Variants in C1orf21 observed in about 807,000 individuals in gnomAD.
C1orf21 encodes chromosome 1 open reading frame 21.
Under a neutral mutation model 18.7 loss-of-function variants are expected in C1orf21, and 3 were observed. The ratio of observed to expected loss-of-function variants is 0.16; its 90% CI spans 0.07 to 0.42. C1orf21 has a LOEUF of 0.42. Among genes scored for constraint, C1orf21 ranks in the 10% least tolerant of loss-of-function variants. The pLI, the probability that C1orf21 is intolerant of heterozygous loss-of-function variation, is 0.99. For missense variants in C1orf21, 104 were observed against 143.6 expected (o/e 0.72, Z 1.41); for synonymous variants, 41 against 46.4 (o/e 0.88, Z 0.47).
intron 1 of C1orf21, among the ~76,000 whole-genome samples, chr1:184,405,671 A>G (rs1275726211): frequency 6.6e-6 from 1 of 152,216 alleles, no homozygotes; most frequent in Non-Finnish European, 1.5e-5. Flanking sequence ...TTTACTCAGT[A>G]ATTGTGACTT....
In C1orf21 at chr1:184,564,401, C is replaced by G. The variant is rs150909988; in HGVS notation, c.190-26338C>G. On this transcript the variant is annotated intron_variant, in intron 3 of 5. Coordinates refer to ENST00000235307, the MANE Select transcript of C1orf21 (RefSeq NM_030806.4). ...TCAGCTCACTGCAACCTGCGCCTCC[C>G]AGGTTCAAGTGATCTCCTGCCTCAG... Among the ~76,000 whole-genome samples the G allele has an allele frequency of 2.9e-3, 446 of 152,250 alleles. 3 individuals are homozygous for G. The highest frequency in any genetic ancestry group is 0.02 in the East Asian group (104 of 5,176).
At chr1:184,453,612 T>C (rs1474765201) in intron 1 of C1orf21, among the ~76,000 whole-genome samples, 2 of 152,230 alleles carry the variant, frequency 1.3e-5, no homozygotes, top group African/African-American at 4.8e-5. Context: ...TGCTTGATAC[T>C]GCCACCTATT....
At chr1:184,584,305 G>C (rs1013488542) in intron 3 of C1orf21, among the ~76,000 whole-genome samples, 9 of 151,992 alleles carry the variant, frequency 5.9e-5, no homozygotes, top group African/African-American at 2.2e-4. Context: ...GGATTTTCTG[G>C]AGAATACACC....
chr1:184,578,476 G>C (rs1198333862), intron 3 of C1orf21, among the ~76,000 whole-genome samples: 1 of 152,166 alleles, frequency 6.6e-6, no homozygotes, highest in African/African-American at 2.4e-5. Context: ...CACGGATTTT[G>C]TCTCTCTTCT....
chr1:184,513,115 G>A lies in C1orf21; in HGVS notation c.189+5433G>A, dbSNP rs182402639. 7.4e-3 allele frequency among the ~76,000 whole-genome samples: 1,124 copies of A among 152,228 alleles called. 6 individuals carry two copies. The highest frequency in any genetic ancestry group is 0.02 in the Middle Eastern group (6 of 294). On this transcript the variant is annotated intron_variant, in intron 3 of 5. Coordinates refer to ENST00000235307, the MANE Select transcript of C1orf21 (RefSeq NM_030806.4). ...CCTTTGCCACTTCACCCTGGTCTGT[G>A]AAAAAAATTATCTTCCATGAAACCA...
At chr1:184,590,860 T>C in intron 4 of C1orf21, 45 bp downstream of exon 4, 1 of 1,461,034 alleles carries the variant, frequency 6.8e-7, no homozygotes, top group Non-Finnish European at 9.6e-7. Context: ...GCCTTCCATA[T>C]CCATGGATTC....
chr1:184,426,721 T>G (rs950355126), intron 1 of C1orf21, among the ~76,000 whole-genome samples: 1 of 152,148 alleles, frequency 6.6e-6, no homozygotes, highest in African/African-American at 2.4e-5. Flanking sequence ...ATTATTTGTA[T>G]AATTATTCCT....
intron 3 of C1orf21, among the ~76,000 whole-genome samples, chr1:184,577,942 GTTTTGT>G (rs1659216331): frequency 1.8e-5 from 2 of 109,662 alleles, no homozygotes; most frequent in Non-Finnish European, 3.6e-5. Flanking sequence ...TTTGTTTTTT[GTTTTGT>G]TTTTGTTTTT....
intron 1 of C1orf21, among the ~76,000 whole-genome samples, chr1:184,458,359 A>G (rs1432040091): frequency 6.6e-6 from 1 of 152,164 alleles, no homozygotes; most frequent in Non-Finnish European, 1.5e-5. Context: ...TTTGAGTCCA[A>G]CCAAGAGATA....
intron 2 of C1orf21, among the ~76,000 whole-genome samples, chr1:184,493,701 T>C (rs538755616): frequency 6.6e-6 from 1 of 152,380 alleles, no homozygotes; most frequent in South Asian, 2.1e-4. Context: ...GTTAGCTGTT[T>C]AACACAATAT....
At chr1:184,433,670 T>C (rs553852334) in intron 1 of C1orf21, among the ~76,000 whole-genome samples, 1 of 152,196 alleles carries the variant, frequency 6.6e-6, no homozygotes, top group Non-Finnish European at 1.5e-5. Context: ...TAACAACATA[T>C]TTTATTGTAT....
intron 3 of C1orf21, among the ~76,000 whole-genome samples, chr1:184,571,644 A>G (rs919361066): frequency 4.7e-4 from 71 of 152,158 alleles, no homozygotes; most frequent in African/African-American, 1.7e-3. Flanking sequence ...GCTGTTTATC[A>G]TCTATGGCCA....
At chr1:184,575,300 G>A (rs562978332) in intron 3 of C1orf21, among the ~76,000 whole-genome samples, 127 of 152,282 alleles carry the variant, frequency 8.3e-4, no homozygotes, top group African/African-American at 2.8e-3. Context: ...TTCAGATTGT[G>A]TATAGAAATC....
chr1:184,572,085 TAGTC>T (rs1332550306), intron 3 of C1orf21, among the ~76,000 whole-genome samples: 2 of 152,218 alleles, frequency 1.3e-5, no homozygotes, highest in South Asian at 2.1e-4. Flanking sequence ...CCACAGGCCT[TAGTC>T]AGGTGTCTGG....
intron 3 of C1orf21, among the ~76,000 whole-genome samples, chr1:184,565,420 A>T (rs1659022108): frequency 1.3e-5 from 2 of 152,252 alleles, no homozygotes; most frequent in Admixed American, 1.3e-4. Flanking sequence ...CTTTAGAAAC[A>T]TTAAGTGGCA....
intron 1 of C1orf21, among the ~76,000 whole-genome samples, chr1:184,417,354 CT>C (rs1220757129): frequency 6.6e-6 from 1 of 151,740 alleles, no homozygotes; most frequent in Non-Finnish European, 1.5e-5. Context: ...AAATACACCC[CT>C]CCCCCAAAGA....
intron 1 of C1orf21, among the ~76,000 whole-genome samples, chr1:184,426,866 A>C (rs1445528975): frequency 6.6e-6 from 1 of 152,174 alleles, no homozygotes; most frequent in Non-Finnish European, 1.5e-5. Context: ...TGGCTGGATA[A>C]ACATAAAGTC....
At position 184,477,454 on chromosome 1, in the gene C1orf21, T is replaced by C. The variant is rs1318316667; in HGVS notation, c.-56T>C. On this transcript the variant is annotated 5_prime_UTR_variant, in exon 2 of 6. Transcript: ENST00000235307. Reference sequence around the variant, plus strand: ...TGTGTTTAAAGAAAAAAAATGTCCCTGTGTCTGTAGAGATGATTTGCAGTT... The same window carrying C: ...TGTGTTTAAAGAAAAAAAATGTCCCCGTGTCTGTAGAGATGATTTGCAGTT... 5.5e-6 allele frequency: 8 copies of C among 1,450,410 alleles called. No homozygotes were observed. The highest frequency in any genetic ancestry group is 4.6e-5 in the East Asian group (2 of 43,662). The allele number at this position is 1,450,410 out of a possible 1,614,324, so 89.8% of individuals were successfully genotyped here.
chr1:184,550,292 A>G (rs1036171868), intron 3 of C1orf21, among the ~76,000 whole-genome samples: 2 of 152,270 alleles, frequency 1.3e-5, no homozygotes, highest in African/African-American at 4.8e-5. Context: ...AAAACCTTTT[A>G]GGAAAGTAAA....
Sources: gnomAD v4.1 joint callset for allele counts (sites outside exome capture counted in the v4.1 genomes callset) on GRCh38, gnomAD v4.1.1 for gene constraint, MANE v1.5 for transcripts, NCBI Gene and HGNC (gene_info 2026-07-23, HGNC 2026-07-21) for gene names.